Variants in GTF3C1 observed in about 807,000 individuals in gnomAD.
GTF3C1 encodes general transcription factor IIIC subunit 1.
A neutral mutation model predicts 226.7 loss-of-function variants in GTF3C1; 57 were observed. The ratio of observed to expected loss-of-function variants is 0.25; its 90% confidence interval spans 0.20 to 0.31. GTF3C1 has a LOEUF of 0.31. GTF3C1 is among the 10% of genes least tolerant of loss of function. GTF3C1 has a pLI of 1.00. For missense variants in GTF3C1, 2,217 were observed against 2,776.1 expected, an observed-to-expected ratio of 0.80 and a Z score of 4.53; for synonymous variants, 1,090 against 1,084.8, an observed-to-expected ratio of 1.00 and a Z score of -0.09.
intron 27 of GTF3C1, among the ~76,000 whole-genome samples, chr16:27,480,259 T>A (rs1436880340): frequency 2.1e-5 from 3 of 143,086 alleles, no homozygotes; most frequent in Admixed American, 2.1e-4. Context: ...TATGTGGAGA[T>A]ATAAATTACA....
intron 29 of GTF3C1, among the ~76,000 whole-genome samples, chr16:27,475,720 C>T (rs569027105): frequency 7.9e-4 from 121 of 152,286 alleles, no homozygotes; most frequent in East Asian, 2.7e-3. Context: ...CGCAGTAGAG[C>T]GGCCGCGTGG....
intron 33 of GTF3C1, 71 bp downstream of exon 33, chr16:27,465,189 C>T (rs746599465): frequency 3.6e-6 from 5 of 1,386,818 alleles, no homozygotes; most frequent in Non-Finnish European, 5.1e-6. Flanking sequence ...AGCCCATCCT[C>T]AGTGTGCACC....
At position 27,478,269 on chromosome 16, in the gene GTF3C1, A is replaced by G. The variant is rs559660324; in HGVS notation, c.4259+200T>C. ...TTACCCACAAATTGTTCAAAGGTCA[A>G]CTGTACTTACCTCTGAGGTTCTTGC... On this transcript the variant is annotated intron_variant, in intron 28 of 36. Coordinates refer to ENST00000356183, the MANE Select transcript of GTF3C1 (RefSeq NM_001520.4). 1.7e-4 allele frequency among the ~76,000 whole-genome samples: 26 copies of G among 152,356 alleles called. 1 individual carries two copies. The South Asian group carries it at 5.2e-3, about 30-fold the overall frequency.
In GTF3C1 at chr16:27,469,373, G is replaced by C; in HGVS notation, c.4992C>G (p.Pro1664=). Residue 1664 remains proline (P), a synonymous_variant, in exon 32 of 37, where the codon CCC becomes CCG. Coordinates refer to ENST00000356183, the MANE Select transcript of GTF3C1 (RefSeq NM_001520.4). The surrounding 1 kb of genome is among the most constrained non-coding windows in gnomAD (Gnocchi z 4.5). The part of the protein sequence containing the change: ...PGIVSTRNLN[P]NDSIVVNSCQ... ...AGGAGTTGACCACAATGCTGTCGTT[G>C]GGGTTGAGGTTGCGGGTGCTGACGA... The C allele has an allele frequency of 6.2e-7, 1 of 1,611,544 alleles. No homozygotes were observed. Among genetic ancestry groups the C allele is most frequent in the Non-Finnish European group, 8.5e-7 (1 of 1,178,900 alleles).
chr16:27,511,207 G>A (rs372649043), intron 7 of GTF3C1, among the ~76,000 whole-genome samples: 23 of 152,276 alleles, frequency 1.5e-4, no homozygotes, highest in African/African-American at 3.6e-4. Flanking sequence ...AATCAGCCAG[G>A]GGCCCAGACA....
intron 12 of GTF3C1, 104 bp from the exon 13 acceptor site, chr16:27,498,837 T>A: frequency 6.9e-6 from 5 of 727,500 alleles, no homozygotes; most frequent in Non-Finnish European, 1.3e-5. Flanking sequence ...CTGTTTTCAT[T>A]AACATTTCCA....
intron 2 of GTF3C1, among the ~76,000 whole-genome samples, chr16:27,539,469 T>A (rs1212750418): frequency 6.6e-6 from 1 of 152,226 alleles, no homozygotes; most frequent in Non-Finnish European, 1.5e-5. Context: ...ATGCCTGGCC[T>A]GCTCAATCCA....
chr16:27,549,896 C>A lies in GTF3C1; in HGVS notation c.-6G>T. ...AACGACTCCAGCGCGTCCATTGCTA[C>A]TTCAGTCGGCGGCGCCCGGGGCGCA... On this transcript the variant is annotated 5_prime_UTR_variant, in exon 1 of 37. Coordinates refer to ENST00000356183, the MANE Select transcript of GTF3C1 (RefSeq NM_001520.4). The A allele has an allele frequency of 6.2e-7, 1 of 1,606,832 alleles. No individual in the cohort carries two copies. The highest frequency in any genetic ancestry group is 8.5e-7 in the Non-Finnish European group (1 of 1,174,760).
intron 13 of GTF3C1, 103 bp from the exon 14 acceptor site, chr16:27,497,924 G>T: frequency 1.1e-6 from 1 of 948,804 alleles, no homozygotes; most frequent in Non-Finnish European, 1.6e-6. Context: ...TTGGCCTGGG[G>T]GTTTCAAATT....
At chr16:27,509,757 CAAAAAAAAA>C (rs770402001) in intron 7 of GTF3C1, among the ~76,000 whole-genome samples, 1,812 of 58,894 alleles carry the variant, frequency 0.031, 50 homozygotes, top group African/African-American at 0.085. Flanking sequence ...GACTCCGTCT[CAAAAAAAAA>C]AAAAAAAAAA....
intron 2 of GTF3C1, among the ~76,000 whole-genome samples, chr16:27,541,004 C>T (rs1454721693): frequency 6.6e-6 from 1 of 152,134 alleles, no homozygotes; most frequent in Non-Finnish European, 1.5e-5. Context: ...CCATGCCAGG[C>T]TAATTTTTGT....
intron 29 of GTF3C1, among the ~76,000 whole-genome samples, chr16:27,474,471 TC>T (rs2087924063): frequency 6.6e-6 from 1 of 151,574 alleles, no homozygotes; most frequent in Non-Finnish European, 1.5e-5. Context: ...ATCCCCAAAG[TC>T]CCCTCCAGCT....
At chr16:27,509,890 G>A (rs1383234328) in intron 7 of GTF3C1, among the ~76,000 whole-genome samples, 1 of 152,038 alleles carries the variant, frequency 6.6e-6, no homozygotes, top group Non-Finnish European at 1.5e-5. Context: ...AAAATAAGCA[G>A]CAGAATGAAG....
Position 27,463,441 on chromosome 16 carries a change from T to C in GTF3C1, c.5924+100A>G. The C allele has an allele frequency of 1.3e-6, 1 of 749,744 alleles. No homozygotes were observed. Among genetic ancestry groups the C allele is most frequent in the Non-Finnish European group, 2.4e-6 (1 of 421,542 alleles). The allele number at this position is 749,744 out of a possible 1,614,324, so 46.4% of individuals were successfully genotyped here. A position where few individuals can be genotyped will look rare whatever the true frequency, so the allele number is the denominator to read the frequency against. ...GTGCCGGGCAGGCTGTCAGAGCTGG[T>C]ACCTGGGGAAAGACCCTCAAAGACC... On this transcript the variant is annotated intron_variant, in intron 35 of 36. Coordinates refer to ENST00000356183, the MANE Select transcript of GTF3C1 (RefSeq NM_001520.4). The surrounding 1 kb of genome is among the most constrained non-coding windows in gnomAD (Gnocchi z 4.9).
intron 19 of GTF3C1, among the ~76,000 whole-genome samples, chr16:27,490,055 G>A (rs2088210294): frequency 1.3e-5 from 2 of 152,190 alleles, no homozygotes; most frequent in South Asian, 2.1e-4. Context: ...GGAGTCCAGC[G>A]CAGGGGAAAC....
At chr16:27,533,951 A>G in intron 4 of GTF3C1, among the ~76,000 whole-genome samples, 1 of 152,238 alleles carries the variant, frequency 6.6e-6, no homozygotes, top group Non-Finnish European at 1.5e-5. Flanking sequence ...GGTTGCAGTG[A>G]GCCGAGATTG....
chr16:27,548,377 C>A (rs535215586), intron 1 of GTF3C1, among the ~76,000 whole-genome samples: 5 of 152,194 alleles, frequency 3.3e-5, no homozygotes, highest in Non-Finnish European at 5.9e-5. Flanking sequence ...AAGTGATTCT[C>A]CTGCCTCAGC....
In GTF3C1 at chr16:27,489,742, G is replaced by A. The variant is rs756161957; in HGVS notation, c.3153C>T (p.Gly1051=). The stretch of plus-strand genomic sequence containing the variant: ...TCCTGACGCGCGGGCAGCGCACCAC[G>A]CCTGGAAAACCAAACATCAGGGTGA... ...LQCVCLNTPL[G]VVRCPRVRKN... The change falls in exon 20 of 37, where the codon GGC becomes GGT. Residue 1051 remains glycine, a splice_region_variant and synonymous_variant. Coordinates refer to ENST00000356183, the MANE Select transcript of GTF3C1 (RefSeq NM_001520.4). 3.4e-5 allele frequency: 54 copies of A among 1,610,330 alleles called. No individual in the cohort carries two copies. The highest frequency in any genetic ancestry group is 8.8e-5 in the South Asian group (8 of 90,758).
At position 27,544,286 on chromosome 16, in the gene GTF3C1, A is replaced by G. The variant is rs114385779; in HGVS notation, c.431+1028T>C. Among the ~76,000 whole-genome samples, 1,103 of 151,958 alleles carry G rather than the reference A, an allele frequency of 7.3e-3. 17 individuals are homozygous for G. Among genetic ancestry groups the G allele is most frequent in the African/African-American group, 0.025 (1,043 of 41,454 alleles). On this transcript the variant is annotated intron_variant, in intron 2 of 36. Transcript: ENST00000356183. ...CCTGTGGTCCCAGCTACTCAGGTGG[A>G]AGGTGGGAAGATCACCTGAGCCCAG...
Sources: gnomAD v4.1 joint callset for allele counts (sites outside exome capture counted in the v4.1 genomes callset) on GRCh38, gnomAD v4.1.1 for gene constraint, Gnocchi (gnomAD v3.1) non-coding constraint, MANE v1.5 for transcripts, NCBI Gene and HGNC (gene_info 2026-07-23, HGNC 2026-07-21) for gene names.